TACC2: variants seen among roughly 807,000 people sequenced by gnomAD.
The protein encoded by TACC2 is transforming acidic coiled-coil containing protein 2.
Under a neutral mutation model 227.3 loss-of-function variants are expected in TACC2, and 137 were observed. The ratio of observed to expected loss-of-function variants is 0.60; its 90% CI spans 0.52 to 0.69. The LOEUF (loss-of-function observed/expected upper bound fraction) is 0.69, where lower values mean the gene tolerates loss of function less well. Ranked by LOEUF, TACC2 falls within the 30% of genes least tolerant of loss-of-function variation. The pLI, the probability that TACC2 is intolerant of heterozygous loss-of-function variation, is 0.00. For missense variants in TACC2, 3,470 were observed against 3,694.4 expected (o/e 0.94, Z 1.57); for synonymous variants, 1,523 against 1,487.5 (o/e 1.02, Z -0.55).
rs763389378 is a variant in TACC2 at position 122,083,489 on chromosome 10, A to G, written c.989A>G (p.Gln330Arg). The G allele has an allele frequency of 1.2e-6, 2 of 1,613,204 alleles. No individual in the cohort carries two copies. The highest frequency in any genetic ancestry group is 2.2e-5 in the East Asian group (1 of 44,876). ...GAAGCAGAAGTGAATGCCGCTTCCCAGGAGAGCTGCCAGCAGCCAGTGGGA... is the reference window on the plus strand; with the variant it reads ...GAAGCAGAAGTGAATGCCGCTTCCCGGGAGAGCTGCCAGCAGCCAGTGGGA... ...APEAEVNAAS[Q>R]ESCQQPVGAY... The change falls in exon 4 of 23, where the codon CAG becomes CGG. Residue 330 changes from glutamine (Q) to arginine (R), a missense_variant. By Grantham distance (43) the Gln-to-Arg change is conservative. This residue lies in a region of TACC2 where 33 missense variants were observed against 60.4 expected (regional missense o/e 0.55). Coordinates refer to ENST00000369005, the MANE Select transcript of TACC2 (RefSeq NM_206862.4).
intron 6 of TACC2, among the ~76,000 whole-genome samples, chr10:122,142,521 T>C (rs779601522): frequency 3.3e-5 from 5 of 152,246 alleles, no homozygotes; most frequent in Non-Finnish European, 7.3e-5. Context: ...ACCAGGGTGC[T>C]AGCCTGTCAG....
intron 7 of TACC2, among the ~76,000 whole-genome samples, chr10:122,169,341 T>G (rs557032789): frequency 6.6e-6 from 1 of 152,186 alleles, no homozygotes; most frequent in Non-Finnish European, 1.5e-5. Context: ...TATCCCTTAA[T>G]CCTGCAAGGT....
chr10:122,198,157 G>A (rs956452473), intron 8 of TACC2, among the ~76,000 whole-genome samples: 3 of 152,210 alleles, frequency 2.0e-5, no homozygotes, highest in Admixed American at 6.5e-5. Context: ...TCCTACCAGC[G>A]TGTCTGGGCT....
intron 2 of TACC2, among the ~76,000 whole-genome samples, chr10:122,045,090 A>G (rs527481783): frequency 6.6e-6 from 1 of 152,306 alleles, no homozygotes; most frequent in African/African-American, 2.4e-5. Context: ...CAAAAGCGAG[A>G]GTTCCCAGGG....
chr10:122,196,706 G>A (rs1392196443), intron 8 of TACC2, among the ~76,000 whole-genome samples: 3 of 152,156 alleles, frequency 2.0e-5, no homozygotes, highest in South Asian at 4.2e-4. Flanking sequence ...TCTGGCCGAG[G>A]CGGGCAGATC....
intron 6 of TACC2, among the ~76,000 whole-genome samples, chr10:122,138,803 A>C (rs1165619867): frequency 6.6e-6 from 1 of 152,208 alleles, no homozygotes; most frequent in East Asian, 1.9e-4. Flanking sequence ...TGAGAATTTC[A>C]TACGGTTCAC....
At chr10:122,154,708 G>T (rs913464716) in intron 7 of TACC2, among the ~76,000 whole-genome samples, 1 of 152,194 alleles carries the variant, frequency 6.6e-6, no homozygotes, top group Non-Finnish European at 1.5e-5. Flanking sequence ...AGTTAGGCAG[G>T]GTGTAGAGGG....
intron 6 of TACC2, among the ~76,000 whole-genome samples, chr10:122,136,631 C>T (rs946881542): frequency 4.0e-5 from 6 of 151,612 alleles, no homozygotes; most frequent in Admixed American, 6.6e-5. Flanking sequence ...GGGCTCACTG[C>T]AAACTCGGCC....
chr10:122,175,090 C>T (rs1338555022), intron 7 of TACC2, among the ~76,000 whole-genome samples: 1 of 152,134 alleles, frequency 6.6e-6, no homozygotes, highest in African/African-American at 2.4e-5. Flanking sequence ...CCCATCTCAG[C>T]CTCCCTAGTA....
chr10:122,196,485 C>G (rs1039814775), intron 8 of TACC2, among the ~76,000 whole-genome samples: 9 of 152,098 alleles, frequency 5.9e-5, no homozygotes, highest in African/African-American at 1.9e-4. Flanking sequence ...ACGGATATTT[C>G]TTTGATTTGA....
chr10:122,185,434 G>A (rs528448093), intron 7 of TACC2, among the ~76,000 whole-genome samples: 3 of 151,940 alleles, frequency 2.0e-5, no homozygotes, highest in African/African-American at 2.4e-5. Flanking sequence ...GACCTCTAGC[G>A]GTCCACCCGC....
rs1045259724 is a variant in TACC2 at position 122,141,682 on chromosome 10, C to G, written c.5700-1890C>G. ...GGGCCACAGATCTAAGGTAGCATCT[C>G]CCCCCCACCCGCCACTGTTTTCTAA... is the stretch of plus-strand genomic sequence containing the variant. On this transcript the variant is annotated intron_variant, in intron 6 of 22. Coordinates refer to ENST00000369005, the MANE Select transcript of TACC2 (RefSeq NM_206862.4). The surrounding 1 kb of genome is among the most constrained non-coding windows in gnomAD (Gnocchi z 4.3). Among the ~76,000 whole-genome samples, 2 of 151,922 alleles carry G rather than the reference C, an allele frequency of 1.3e-5. No homozygotes were observed. Among genetic ancestry groups the G allele is most frequent in the African/African-American group, 4.8e-5 (2 of 41,382 alleles).
At chr10:122,112,233 C>A (rs960221079) in intron 5 of TACC2, among the ~76,000 whole-genome samples, 4 of 152,118 alleles carry the variant, frequency 2.6e-5, no homozygotes, top group African/African-American at 2.4e-5. Flanking sequence ...GCAGAAATTT[C>A]TAGAGAAAAG....
In TACC2 at chr10:122,083,198, G is replaced by A; in HGVS notation, c.698G>A (p.Gly233Asp). 1 of 1,613,416 alleles carries A rather than the reference G, an allele frequency of 6.2e-7. No individual in the cohort carries two copies. The highest frequency in any genetic ancestry group is 2.2e-5 in the East Asian group (1 of 44,844). ...TCCCAAGAGAAAGAGGCTGCAGGTG[G>A]CTTTCCCCCTGCAGAGTCCAGGCAG... ...FESQEKEAAG[G>D]FPPAESRQGV... The change falls in exon 4 of 23, where the codon GGC (glycine) becomes GAC (aspartate). Residue 233 changes from glycine (G) to aspartate (D), a missense_variant. Physicochemically the swap from Gly to Asp is moderately conservative, Grantham distance 94 (BLOSUM62 -1). Around this residue, in one of 10 missense-constraint regions of TACC2, gnomAD observed 405 missense variants for 389.6 expected, o/e 1.04. Transcript: ENST00000369005.
intron 6 of TACC2, among the ~76,000 whole-genome samples, chr10:122,137,084 G>A (rs554252729): frequency 2.0e-4 from 30 of 151,582 alleles, no homozygotes; most frequent in Non-Finnish European, 3.8e-4. Context: ...AAGGGATTTC[G>A]ATGCACCCTT....
chr10:122,086,475 C>T lies in TACC2; in HGVS notation c.3975C>T (p.Ser1325=), dbSNP rs1207040450. 1 of 1,613,746 alleles carries T rather than the reference C, an allele frequency of 6.2e-7. No individual in the cohort carries two copies. The highest frequency in any genetic ancestry group is 8.5e-7 in the Non-Finnish European group (1 of 1,180,044). Residue 1325 remains serine, a synonymous_variant, in exon 4 of 23, where the codon TCC becomes TCT. Coordinates refer to ENST00000369005, the MANE Select transcript of TACC2 (RefSeq NM_206862.4). ...GAACCACTGAGGGACCAGTGGACTC[C>T]ATGCCATGCCTGGACCGGATGCCAC... ...KARTTEGPVD[S]MPCLDRMPLL...
intron 5 of TACC2, among the ~76,000 whole-genome samples, chr10:122,129,821 G>A (rs1212996627): frequency 1.3e-5 from 2 of 152,192 alleles, no homozygotes; most frequent in African/African-American, 4.8e-5. Flanking sequence ...CTTGTTCTGG[G>A]GGAACTGGAA....
At chr10:122,234,624 G>C (rs1189950164) in intron 16 of TACC2, among the ~76,000 whole-genome samples, 1 of 152,212 alleles carries the variant, frequency 6.6e-6, no homozygotes, top group African/African-American at 2.4e-5. Flanking sequence ...GAAGTCATCT[G>C]TTCCTTTATT....
intron 16 of TACC2, among the ~76,000 whole-genome samples, chr10:122,232,208 C>G (rs539044041): frequency 4.9e-4 from 74 of 152,326 alleles, no homozygotes; most frequent in African/African-American, 1.6e-3. Context: ...ATTTTCCCCC[C>G]ACTAGATTTA....
Sources: gnomAD v4.1 joint callset for allele counts (sites outside exome capture counted in the v4.1 genomes callset) on GRCh38, gnomAD v4.1.1 for gene constraint, gnomAD v4.1.1 regional missense constraint, Gnocchi (gnomAD v3.1) non-coding constraint, MANE v1.5 for transcripts, NCBI Gene and HGNC (gene_info 2026-07-23, HGNC 2026-07-21) for gene names.